SPINT1: variants seen among roughly 807,000 people sequenced by gnomAD.
SPINT1 encodes the protein serine peptidase inhibitor, Kunitz type 1.
In SPINT1, 38 loss-of-function variants were observed where a neutral mutation model predicts 53.7. The observed-to-expected ratio is 0.71, with a 90% CI of 0.55 to 0.93. The LOEUF (loss-of-function observed/expected upper bound fraction) is 0.93. Among genes scored for constraint, SPINT1 ranks in the 40% least tolerant of loss-of-function variants. The probability of loss-of-function intolerance (pLI) is 0.00; values close to 1 mark genes in which losing one functional copy is unlikely to be tolerated. For missense variants in SPINT1, 645 were observed against 692.9 expected (o/e 0.93, Z 0.78); for synonymous variants, 283 against 280.6 (o/e 1.01, Z -0.08).
rs202226710 is a variant in SPINT1, at chr15:40,856,040, C to T, written c.1266C>T (p.Leu422=). ...KNNFEEEQQC[L]ESCRGISKKD... is the part of the protein sequence containing the mutation. ...ACTTTGAGGAAGAGCAGCAGTGCCT[C>T]GAGTCTTGTCGCGGCATCTCCAGTG... The change falls in exon 9 of 11, where the codon CTC becomes CTT. Residue 422 remains leucine, a synonymous_variant. Transcript: ENST00000562057. The T allele has an allele frequency of 3.7e-6, 6 of 1,613,988 alleles. No individual in the cohort carries two copies. Among genetic ancestry groups the T allele is most frequent in the East Asian group, 2.2e-5 (1 of 44,896 alleles).
chr15:40,853,359 A>G, intron 3 of SPINT1, 108 bp downstream of exon 3: 4 of 1,599,144 alleles, frequency 2.5e-6, no homozygotes, highest in Non-Finnish European at 3.4e-6. Flanking sequence ...TGGGGTGGAG[A>G]GAGGCTGAAG....
At chr15:40,850,102 C>T (rs1024531954) in intron 2 of SPINT1, among the ~76,000 whole-genome samples, 9 of 152,058 alleles carry the variant, frequency 5.9e-5, no homozygotes, top group Non-Finnish European at 1.2e-4. Flanking sequence ...GACGGAGTTT[C>T]GCTCTTGTTG....
chr15:40,854,220 C>T (rs1410936724), intron 6 of SPINT1, 134 bp downstream of exon 6: 2 of 1,358,822 alleles, frequency 1.5e-6, no homozygotes, highest in Non-Finnish European at 2.0e-6. Context: ...ACAAACATCC[C>T]ACCCCTTCCA....
In SPINT1 at chr15:40,845,041, G is replaced by A. The variant is rs762409531; in HGVS notation, c.475+12G>A. 1.3e-6 allele frequency: 2 copies of A among 1,590,916 alleles called. No individual in the cohort carries two copies. Among genetic ancestry groups the A allele is most frequent in the African/African-American group, 1.3e-5 (1 of 74,426 alleles). On this transcript the variant is annotated intron_variant, in intron 2 of 10. Coordinates refer to ENST00000562057, the MANE Select transcript of SPINT1 (RefSeq NM_003710.4). ...CCAGGGCTTTGGAGGTGAGGAGGGT[G>A]CCAAGATGGATGGGTTTGGAGAGAC...
At position 40,844,391 on chromosome 15, in the gene SPINT1, C is replaced by G. The variant is rs1566850738; in HGVS notation, c.-65-99C>G. On this transcript the variant is annotated intron_variant, in intron 1 of 10. Transcript: ENST00000562057. The surrounding 1 kb of genome is among the most constrained non-coding windows in gnomAD (Gnocchi z 5.8). ...CTCTTCGATCCTGGGGTGCTCCGGTCCCTCCTCCCCGCCACTTCCTCCCGG... is the reference window on the plus strand; with the variant it reads ...CTCTTCGATCCTGGGGTGCTCCGGTGCCTCCTCCCCGCCACTTCCTCCCGG... 1.3e-6 allele frequency: 1 copy of G among 780,240 alleles called. No individual in the cohort carries two copies. The highest frequency in any genetic ancestry group is 1.7e-5 in the African/African-American group (1 of 57,366). The allele number at this position is 780,240 out of a possible 1,614,324, so 48.3% of individuals were successfully genotyped here.
At chr15:40,855,795 A>C in intron 8 of SPINT1, 97 bp from the exon 9 acceptor site, 1 of 1,351,970 alleles carries the variant, frequency 7.4e-7, no homozygotes, top group South Asian at 1.4e-5. Flanking sequence ...GAGCCATGGC[A>C]GGTGGGGAGG....
chr15:40,855,576 G>A (rs549701857), intron 8 of SPINT1, among the ~76,000 whole-genome samples: 20 of 152,308 alleles, frequency 1.3e-4, no homozygotes, highest in East Asian at 3.9e-4. Context: ...GCAACATAGC[G>A]AGACACTGTC....
At chr15:40,854,265 G>A in intron 6 of SPINT1, 132 bp from the exon 7 acceptor site, 2 of 1,424,864 alleles carry the variant, frequency 1.4e-6, no homozygotes, top group Non-Finnish European at 9.4e-7. Context: ...TGCCCAGTTT[G>A]CGTGGGGCAG....
At chr15:40,848,170 T>A (rs1156419752) in intron 2 of SPINT1, among the ~76,000 whole-genome samples, 1 of 152,220 alleles carries the variant, frequency 6.6e-6, no homozygotes, top group Non-Finnish European at 1.5e-5. Context: ...ATCCTGGTCT[T>A]CTCAGCCCCA....
At position 40,853,592 on chromosome 15, in the gene SPINT1, T is replaced by G; in HGVS notation, c.707T>G (p.Val236Gly). 1 of 1,613,734 alleles carries G rather than the reference T, an allele frequency of 6.2e-7. No homozygotes were observed. Among genetic ancestry groups the G allele is most frequent in the African/African-American group, 1.3e-5 (1 of 74,936 alleles). ...GACCACCCAGAGGACACGGCCAACG[T>G]CACAGTCACTGTGCTGTCCACCAAG... is the stretch of plus-strand genomic sequence containing the variant. ...SSDHPEDTAN[V>G]TVTVLSTKQT... The change falls in exon 4 of 11, where the codon GTC (valine) becomes GGC (glycine). Residue 236 changes from valine to glycine, a missense_variant. Physicochemically the swap from Val to Gly is moderately radical, Grantham distance 109. Coordinates refer to ENST00000562057, the MANE Select transcript of SPINT1 (RefSeq NM_003710.4).
intron 2 of SPINT1, among the ~76,000 whole-genome samples, chr15:40,846,828 G>A (rs552498669): frequency 1.4e-4 from 22 of 152,336 alleles, no homozygotes; most frequent in Middle Eastern, 6.8e-3. Flanking sequence ...AGGCGAGATG[G>A]GGATTCCTGT....
rs1444885534 is a variant in SPINT1, at chr15:40,844,487, C to T, written c.-65-3C>T. 1 of 1,483,772 alleles carries T rather than the reference C, an allele frequency of 6.7e-7. No individual in the cohort carries two copies. The highest frequency in any genetic ancestry group is 1.1e-5 in the South Asian group (1 of 88,250). 91.9% of individuals were successfully genotyped at this position (1,483,772 alleles called of 1,614,324 possible). On this transcript the variant is annotated splice_region_variant and splice_polypyrimidine_tract_variant and intron_variant, in intron 1 of 10. Coordinates refer to ENST00000562057, the MANE Select transcript of SPINT1 (RefSeq NM_003710.4). The surrounding 1 kb of genome is among the most constrained non-coding windows in gnomAD (Gnocchi z 5.8). Reference sequence around the variant, plus strand: ...CCTCCTCTGTCCCCTCCCTTCTTCTCAGGTCACCAGCACCCTCGGAACCCA... The same window carrying T: ...CCTCCTCTGTCCCCTCCCTTCTTCTTAGGTCACCAGCACCCTCGGAACCCA...
At chr15:40,850,884 C>T (rs918240300) in intron 2 of SPINT1, among the ~76,000 whole-genome samples, 4 of 152,146 alleles carry the variant, frequency 2.6e-5, no homozygotes, top group Non-Finnish European at 4.4e-5. Context: ...AGCCCTGGGC[C>T]CCTCCCTTTG....
At position 40,844,148 on chromosome 15, in the gene SPINT1, A is replaced by C; in HGVS notation, c.-104A>C. On this transcript the variant is annotated 5_prime_UTR_variant, in exon 1 of 11. Transcript: ENST00000562057. This position sits in a 1 kb window ranked among gnomAD's most constrained non-coding sequence, Gnocchi z 5.8. ...AGCCGCGCAGGAAGCTGGGACCGGAACCTCGGCGGACCCGGCCCCACCCAA... is the reference window on the plus strand; with the variant it reads ...AGCCGCGCAGGAAGCTGGGACCGGACCCTCGGCGGACCCGGCCCCACCCAA... The C allele has an allele frequency of 9.2e-6, 4 of 436,354 alleles. No homozygotes were observed. Among genetic ancestry groups the C allele is most frequent in the Non-Finnish European group, 9.0e-6 (2 of 221,680 alleles). The allele number at this position is 436,354 out of a possible 1,614,324, so 27.0% of individuals were successfully genotyped here.
At chr15:40,848,307 C>G (rs1321056284) in intron 2 of SPINT1, among the ~76,000 whole-genome samples, 1 of 152,166 alleles carries the variant, frequency 6.6e-6, no homozygotes, top group African/African-American at 2.4e-5. Flanking sequence ...TGCATTCACT[C>G]TAACACTTGA....
At chr15:40,847,893 A>G (rs1891343781) in intron 2 of SPINT1, among the ~76,000 whole-genome samples, 1 of 152,032 alleles carries the variant, frequency 6.6e-6, no homozygotes, top group Admixed American at 6.5e-5. Flanking sequence ...TCTTCTTTCT[A>G]CAAAATGCAA....
At chr15:40,854,837 C>A in intron 8 of SPINT1, 148 bp downstream of exon 8, 1 of 956,524 alleles carries the variant, frequency 1.0e-6, no homozygotes, top group South Asian at 1.5e-5. Context: ...CTCCAGATGG[C>A]TCAGCTTCTT....
chr15:40,845,499 G>A (rs973306002), intron 2 of SPINT1, among the ~76,000 whole-genome samples: 3 of 152,002 alleles, frequency 2.0e-5, no homozygotes, highest in African/African-American at 7.2e-5. Context: ...CAAGCCTGGT[G>A]ATCAATGGGG....
rs1277654309 is a variant in SPINT1 at position 40,845,018 on chromosome 15, AG to A, written c.467del (p.Gly156AlafsTer14). The A allele has an allele frequency of 6.2e-7, 1 of 1,605,580 alleles. No individual in the cohort carries two copies. Among genetic ancestry groups the A allele is most frequent in the East Asian group, 2.2e-5 (1 of 44,818 alleles). On this transcript the variant is annotated frameshift_variant, in exon 2 of 11. Transcript: ENST00000562057. LOFTEE classifies it high-confidence loss of function. ...CGCTCCTACCGCCAGCTGCGGACCC[AG>A]GGCTTTGGAGGTGAGGAGGGTGCCA... Reference protein sequence around the residue: ...VYRSYRQLRTQGFGGSGIPKA... With the variant: ...VYRSYRQLRTXGFGGSGIPKA...
Sources: gnomAD v4.1 joint callset for allele counts (sites outside exome capture counted in the v4.1 genomes callset) on GRCh38, gnomAD v4.1.1 for gene constraint, Gnocchi (gnomAD v3.1) non-coding constraint, MANE v1.5 for transcripts, NCBI Gene and HGNC (gene_info 2026-07-23, HGNC 2026-07-21) for gene names.